CACNG3: variants seen among roughly 807,000 people sequenced by gnomAD.
CACNG3 encodes voltage-dependent calcium channel gamma-3 subunit.
In CACNG3, 3 loss-of-function variants were observed where a neutral mutation model predicts 28.5. That is an observed-to-expected ratio of 0.11 (90% CI 0.05 to 0.27). The LOEUF is 0.27. Among genes scored for constraint, CACNG3 ranks in the 10% least tolerant of loss-of-function variants. The probability of loss-of-function intolerance (pLI) is 1.00; values close to 1 mark genes in which losing one functional copy is unlikely to be tolerated. For synonymous variants in CACNG3, 174 were observed against 162.2 expected, an observed-to-expected ratio of 1.07 and a Z score of -0.55; for missense variants, 236 against 414.4, an observed-to-expected ratio of 0.57 and a Z score of 3.74.
At chr16:24,277,966 T>C (rs1898774811) in intron 1 of CACNG3, among the ~76,000 whole-genome samples, 1 of 152,146 alleles carries the variant, frequency 6.6e-6, no homozygotes, top group African/African-American at 2.4e-5. Flanking sequence ...CCTTCTGCCT[T>C]GGACTCCCAA....
chr16:24,262,885 G>A (rs1898554529), intron 1 of CACNG3, among the ~76,000 whole-genome samples: 1 of 152,162 alleles, frequency 6.6e-6, no homozygotes, highest in Non-Finnish European at 1.5e-5. Context: ...CCAAGGTTGG[G>A]TGACCAGTGT....
At chr16:24,345,208 A>T (rs1471219876) in intron 1 of CACNG3, among the ~76,000 whole-genome samples, 1 of 152,164 alleles carries the variant, frequency 6.6e-6, no homozygotes, top group Non-Finnish European at 1.5e-5. Context: ...GCTCTGTCTG[A>T]TTCCGAACCT....
intron 1 of CACNG3, among the ~76,000 whole-genome samples, chr16:24,305,684 C>T (rs1899176662): frequency 6.6e-6 from 1 of 152,040 alleles, no homozygotes; most frequent in South Asian, 2.1e-4. Flanking sequence ...TTAGGACAAA[C>T]ACCTAATACA....
chr16:24,309,104 G>A (rs1015237025), intron 1 of CACNG3, among the ~76,000 whole-genome samples: 1 of 152,132 alleles, frequency 6.6e-6, no homozygotes, highest in African/African-American at 2.4e-5. Context: ...GGCTGGCTCT[G>A]AGTGCAGGCA....
At chr16:24,346,909 CTG>C in intron 2 of CACNG3, 92 bp downstream of exon 2, 1 of 955,234 alleles carries the variant, frequency 1.0e-6, no homozygotes, top group Non-Finnish European at 1.7e-6. Context: ...TCCTCAGCAT[CTG>C]TCCCTAGAAA....
intron 2 of CACNG3, among the ~76,000 whole-genome samples, chr16:24,351,087 C>T (rs1899933332): frequency 6.6e-6 from 1 of 152,184 alleles, no homozygotes; most frequent in African/African-American, 2.4e-5. Context: ...GACTTTGCAG[C>T]AGGCCAGAAC....
At chr16:24,346,688 G>T in intron 1 of CACNG3, 46 bp from the exon 2 acceptor site, 1 of 1,432,864 alleles carries the variant, frequency 7.0e-7, no homozygotes, top group Non-Finnish European at 9.8e-7. Flanking sequence ...GGCCCCCAGA[G>T]CTCTGTCTCC....
intron 1 of CACNG3, among the ~76,000 whole-genome samples, chr16:24,343,246 C>T (rs761912026): frequency 3.9e-5 from 6 of 151,938 alleles, no homozygotes; most frequent in Non-Finnish European, 5.9e-5. Flanking sequence ...GAGCTACTGG[C>T]GTTTGCTGGT....
intron 1 of CACNG3, among the ~76,000 whole-genome samples, chr16:24,298,023 A>C (rs1899056069): frequency 7.1e-6 from 1 of 140,556 alleles, no homozygotes; most frequent in South Asian, 2.3e-4. Flanking sequence ...GTGTGTGTGT[A>C]ATTGCTTTTC....
At chr16:24,334,082 A>G (rs1596646672) in intron 1 of CACNG3, among the ~76,000 whole-genome samples, 1 of 152,364 alleles carries the variant, frequency 6.6e-6, no homozygotes, top group East Asian at 1.9e-4. Context: ...GCTTAACCCA[A>G]GTACTCAGGA....
intron 1 of CACNG3, among the ~76,000 whole-genome samples, chr16:24,300,441 T>C (rs943236493): frequency 6.6e-6 from 1 of 151,824 alleles, no homozygotes; most frequent in Non-Finnish European, 1.5e-5. Context: ...CTTCTGATTC[T>C]GGGGGGGAAA....
intron 1 of CACNG3, among the ~76,000 whole-genome samples, chr16:24,317,692 GAAAGAAAGAAAGAAAGAAA>G (rs1899398507): frequency 9.3e-6 from 1 of 107,234 alleles, no homozygotes; most frequent in African/African-American, 4.1e-5. Flanking sequence ...AAGAAAGAAA[GAAAGAAAGAAAGAAAGAAA>G]GAAAAGAAAG....
intron 1 of CACNG3, among the ~76,000 whole-genome samples, chr16:24,328,810 C>T (rs1458583076): frequency 2.6e-5 from 4 of 152,128 alleles, no homozygotes; most frequent in African/African-American, 4.8e-5. Context: ...CATCCACAGG[C>T]GGGCATCGTG....
rs1203803423 is a variant in CACNG3, at chr16:24,281,300, A to G, written c.211+24335A>G. On this transcript the variant is annotated intron_variant, in intron 1 of 3. Coordinates refer to ENST00000005284, the MANE Select transcript of CACNG3 (RefSeq NM_006539.4). ...AATCTCGACCTCCTGAGCTCAAGTG[A>G]TCCTCCTGCCTCAGCCTCTGGAGTA... Among the ~76,000 whole-genome samples the G allele has an allele frequency of 2.0e-5, 3 of 151,912 alleles. No homozygotes were observed. In the East Asian group the frequency reaches 5.8e-4, roughly 29 times the overall value.
chr16:24,317,608 A>C lies in CACNG3; in HGVS notation c.212-29126A>C, dbSNP rs546106566. Among the ~76,000 whole-genome samples the C allele has an allele frequency of 4.3e-3, 319 of 73,398 alleles. 12 individuals carry two copies. Among genetic ancestry groups the C allele is most frequent in the African/African-American group, 0.013 (201 of 15,102 alleles). The allele number at this position is 73,398 out of a possible 152,430, so 48.2% of individuals were successfully genotyped here. A position where few individuals can be genotyped will look rare whatever the true frequency, so the allele number is the denominator to read the frequency against. ...AAAGAAAGAAAGAAAGAAAGAAAGA[A>C]AGAAAGAAAGAAAGAAAGACAGACA... is the stretch of plus-strand genomic sequence containing the variant. On this transcript the variant is annotated intron_variant, in intron 1 of 3. Coordinates refer to ENST00000005284, the MANE Select transcript of CACNG3 (RefSeq NM_006539.4).
At chr16:24,325,512 C>A (rs2141371483) in intron 1 of CACNG3, among the ~76,000 whole-genome samples, 1 of 152,356 alleles carries the variant, frequency 6.6e-6, no homozygotes, top group Non-Finnish European at 1.5e-5. Context: ...CGTACATCAG[C>A]TGGAATGCAT....
At chr16:24,357,499 T>C (rs931546733) in intron 3 of CACNG3, among the ~76,000 whole-genome samples, 1 of 152,098 alleles carries the variant, frequency 6.6e-6, no homozygotes, top group African/African-American at 2.4e-5. Context: ...CCCCACAAGA[T>C]CTTGCTCGAA....
At chr16:24,332,901 TAGG>T (rs760377883) in intron 1 of CACNG3, among the ~76,000 whole-genome samples, 2 of 152,052 alleles carry the variant, frequency 1.3e-5, no homozygotes, top group East Asian at 3.9e-4. Context: ...ACAACGAAAA[TAGG>T]AGGCAAAACG....
chr16:24,271,137 C>G (rs1406399866), intron 1 of CACNG3, among the ~76,000 whole-genome samples: 2 of 152,216 alleles, frequency 1.3e-5, no homozygotes, highest in Non-Finnish European at 2.9e-5. Flanking sequence ...CTTGAATTCA[C>G]CATGGCTGAG....
Sources: allele counts gnomAD v4.1 joint callset (sites outside exome capture counted in the v4.1 genomes callset), GRCh38; gene constraint gnomAD v4.1.1; transcripts MANE v1.5; gene names NCBI Gene and HGNC (gene_info 2026-07-23, HGNC 2026-07-21).